Variants in PRKCE observed in about 807,000 individuals in gnomAD.
PRKCE encodes the protein protein kinase C epsilon, also known as protein kinase C epsilon type.
A neutral mutation model predicts 85.4 loss-of-function variants in PRKCE; 16 were observed. That is an observed-to-expected ratio of 0.19 (90% CI 0.13 to 0.28). The LOEUF (loss-of-function observed/expected upper bound fraction) is 0.28. Among genes scored for constraint, PRKCE ranks in the 10% least tolerant of loss-of-function variants. The probability of loss-of-function intolerance (pLI) is 1.00; values close to 1 mark genes in which losing one functional copy is unlikely to be tolerated. For synonymous variants in PRKCE, 388 were observed against 371.5 expected (o/e 1.04, Z -0.51); for missense variants, 573 against 975.2 (o/e 0.59, Z 5.49).
At chr2:45,848,485 AT>A (rs1458728169) in intron 2 of PRKCE, among the ~76,000 whole-genome samples, 1 of 151,942 alleles carries the variant, frequency 6.6e-6, no homozygotes, top group Non-Finnish European at 1.5e-5. Flanking sequence ...TAATTTTTGT[AT>A]TTTTAGTAGA....
At chr2:45,899,878 T>C (rs2103701917) in intron 2 of PRKCE, among the ~76,000 whole-genome samples, 1 of 152,332 alleles carries the variant, frequency 6.6e-6, no homozygotes, top group South Asian at 2.1e-4. Flanking sequence ...TCTTTTCATT[T>C]CTTGGTTATA....
At position 45,841,883 on chromosome 2, in the gene PRKCE, C is replaced by G. The variant is rs955172760; in HGVS notation, c.349-1117C>G. Among the ~76,000 whole-genome samples the G allele has an allele frequency of 2.6e-5, 4 of 152,330 alleles. No individual in the cohort carries two copies. The East Asian group carries it at 7.7e-4, about 29-fold the overall frequency. On this transcript the variant is annotated intron_variant, in intron 1 of 14. Coordinates refer to ENST00000306156, the MANE Select transcript of PRKCE (RefSeq NM_005400.3). ...AATTCTTGCTAAATGCTTGCCTGCT[C>G]TTTGCTGGGGACAGTGAAAAAGGAA...
intron 2 of PRKCE, among the ~76,000 whole-genome samples, chr2:45,897,904 C>T (rs1051881450): frequency 4.6e-5 from 7 of 152,230 alleles, no homozygotes; most frequent in South Asian, 4.1e-4. Flanking sequence ...ATGAGACACC[C>T]GGATAAACTG....
At chr2:46,047,867 A>T (rs750526552) in intron 10 of PRKCE, among the ~76,000 whole-genome samples, 6 of 152,256 alleles carry the variant, frequency 3.9e-5, no homozygotes, top group Non-Finnish European at 7.3e-5. Flanking sequence ...GCATACAGGA[A>T]GTTTTCTGTC....
At chr2:45,820,508 G>T (rs995841033) in intron 1 of PRKCE, among the ~76,000 whole-genome samples, 3 of 152,138 alleles carry the variant, frequency 2.0e-5, no homozygotes, top group Non-Finnish European at 2.9e-5. Context: ...GAGGCATAAG[G>T]GGGTGGGAGA....
intron 2 of PRKCE, among the ~76,000 whole-genome samples, chr2:45,966,027 C>T (rs1701705698): frequency 6.6e-6 from 1 of 152,076 alleles, no homozygotes; most frequent in Admixed American, 6.5e-5. Flanking sequence ...CAGGAAACTT[C>T]TACACACACA....
At chr2:45,693,852 T>C (rs1457667930) in intron 1 of PRKCE, among the ~76,000 whole-genome samples, 1 of 152,046 alleles carries the variant, frequency 6.6e-6, no homozygotes, top group African/African-American at 2.4e-5. Context: ...GGACAGTACA[T>C]TGATAAGGCG....
At chr2:45,653,376 T>TG (rs1675226538) in intron 1 of PRKCE, among the ~76,000 whole-genome samples, 1 of 120,250 alleles carries the variant, frequency 8.3e-6, no homozygotes, top group Non-Finnish European at 1.7e-5. Context: ...GGTTGTTTTT[T>TG]TTTTTTTTTT....
intron 1 of PRKCE, among the ~76,000 whole-genome samples, chr2:45,808,833 T>C (rs1009698896): frequency 1.3e-5 from 2 of 152,182 alleles, no homozygotes; most frequent in Non-Finnish European, 2.9e-5. Context: ...CGGGAGGGGA[T>C]GCTGGTTCCT....
At chr2:46,023,059 C>T (rs926323870) in intron 10 of PRKCE, among the ~76,000 whole-genome samples, 22 of 129,738 alleles carry the variant, frequency 1.7e-4, no homozygotes, top group Admixed American at 7.7e-4. Context: ...GTCCGCAGTC[C>T]GTCCTGGGCG....
chr2:46,055,569 A>G (rs1666498007), intron 10 of PRKCE, among the ~76,000 whole-genome samples: 1 of 152,222 alleles, frequency 6.6e-6, no homozygotes, highest in African/African-American at 2.4e-5. Flanking sequence ...CCCCTACCAG[A>G]TAGAAAATTC....
intron 2 of PRKCE, chr2:45,845,375 A>ATTTTTTTTTTTTTT (rs5830874): frequency 7.0e-6 from 1 of 143,470 alleles, no homozygotes; most frequent in Non-Finnish European, 1.5e-5. Flanking sequence ...TGGACTAAGT[A>ATTTTTTTTTTTTTT]TTTTTTTTTT....
intron 1 of PRKCE, among the ~76,000 whole-genome samples, chr2:45,689,703 C>T: frequency 6.6e-6 from 1 of 151,964 alleles, no homozygotes; most frequent in African/African-American, 2.4e-5. Context: ...TGAGACCAGC[C>T]TGGGCAACAT....
At chr2:46,161,399 C>T (rs971689639) in intron 14 of PRKCE, among the ~76,000 whole-genome samples, 1 of 152,172 alleles carries the variant, frequency 6.6e-6, no homozygotes, top group South Asian at 2.1e-4. Context: ...AGTGAAGAAT[C>T]GAGGCCCAAC....
At chr2:45,767,456 T>C (rs1160429174) in intron 1 of PRKCE, among the ~76,000 whole-genome samples, 1 of 152,206 alleles carries the variant, frequency 6.6e-6, no homozygotes, top group Non-Finnish European at 1.5e-5. Flanking sequence ...CCTCTTCCTC[T>C]TGTAAGGGAA....
intron 1 of PRKCE, among the ~76,000 whole-genome samples, chr2:45,671,416 A>T (rs1676154566): frequency 1.3e-5 from 2 of 152,256 alleles, no homozygotes; most frequent in South Asian, 4.1e-4. Flanking sequence ...TAGGTACAGG[A>T]GGCCTAGGGC....
chr2:46,111,049 A>G (rs909273009), intron 11 of PRKCE, among the ~76,000 whole-genome samples: 8 of 152,126 alleles, frequency 5.3e-5, no homozygotes, highest in Non-Finnish European at 8.8e-5. Context: ...TTATGATCTG[A>G]AAGTTTTTTG....
chr2:45,973,117 C>A (rs532692897), intron 2 of PRKCE, among the ~76,000 whole-genome samples: 62 of 152,288 alleles, frequency 4.1e-4, no homozygotes, highest in African/African-American at 1.4e-3. Context: ...GTGGGATCTA[C>A]ATTTTGGAAG....
At chr2:45,787,412 C>T (rs1233747266) in intron 1 of PRKCE, among the ~76,000 whole-genome samples, 1 of 152,144 alleles carries the variant, frequency 6.6e-6, no homozygotes, top group African/African-American at 2.4e-5. Flanking sequence ...GCTGAGAGGC[C>T]CCTGACCAGT....
Sources: gnomAD v4.1 joint callset for allele counts (sites outside exome capture counted in the v4.1 genomes callset) on GRCh38, gnomAD v4.1.1 for gene constraint, MANE v1.5 for transcripts, NCBI Gene and HGNC (gene_info 2026-07-23, HGNC 2026-07-21) for gene names.